GNAO1: variants seen among roughly 807,000 people sequenced by gnomAD.
The protein encoded by GNAO1 is guanine nucleotide-binding protein G(o) subunit alpha.
For missense variants in GNAO1, 166 were observed against 478.7 expected (o/e 0.35, Z 6.10); for synonymous variants, 164 against 180.7 (o/e 0.91, Z 0.74).
chr16:56,333,602 C>G (rs1252537941), intron 4 of GNAO1, among the ~76,000 whole-genome samples: 1 of 152,244 alleles, frequency 6.6e-6, no homozygotes, highest in Admixed American at 6.5e-5. Flanking sequence ...GGCATTCTCA[C>G]AAGGATTGTC....
chr16:56,248,680 AGT>A (rs1214976691), intron 2 of GNAO1, among the ~76,000 whole-genome samples: 1 of 152,230 alleles, frequency 6.6e-6, no homozygotes, highest in Non-Finnish European at 1.5e-5. Flanking sequence ...CTCTGAAGGA[AGT>A]GTGGAGGTGA....
intron 2 of GNAO1, among the ~76,000 whole-genome samples, chr16:56,234,854 C>G (rs1228323028): frequency 6.6e-6 from 1 of 151,984 alleles, no homozygotes; most frequent in Non-Finnish European, 1.5e-5. Context: ...CTCTGTCCCC[C>G]TGGTCATCTG....
At chr16:56,282,364 T>C (rs944907791) in intron 3 of GNAO1, among the ~76,000 whole-genome samples, 2 of 77,012 alleles carry the variant, frequency 2.6e-5, no homozygotes, top group Non-Finnish European at 5.0e-5. Context: ...TTGGCAATTA[T>C]TCTCATTTAT....
chr16:56,256,704 CTCTCTCTCTCTCTCTG>C (rs1374346938), intron 2 of GNAO1, among the ~76,000 whole-genome samples: 3 of 118,548 alleles, frequency 2.5e-5, no homozygotes, highest in Admixed American at 8.9e-5. Flanking sequence ...CTCTCTCTCT[CTCTCTCTCTCTCTCTG>C]TGTGTGTGTG....
intron 3 of GNAO1, among the ~76,000 whole-genome samples, chr16:56,279,417 TCCACACC>T (rs2143529721): frequency 6.6e-6 from 1 of 152,268 alleles, no homozygotes; most frequent in South Asian, 2.1e-4. Context: ...GTCTGTGGTT[TCCACACC>T]CCAGGCCCCA....
chr16:56,289,690 G>C (rs534641835), intron 3 of GNAO1, among the ~76,000 whole-genome samples: 5 of 152,152 alleles, frequency 3.3e-5, no homozygotes, highest in Admixed American at 6.5e-5. Context: ...GGCTTGAGGA[G>C]GGGGTACGGA....
intron 3 of GNAO1, among the ~76,000 whole-genome samples, chr16:56,281,121 G>T (rs766425026): frequency 6.6e-6 from 1 of 152,038 alleles, no homozygotes; most frequent in Non-Finnish European, 1.5e-5. Context: ...ACTTGCCCAG[G>T]GTCATGCAAT....
intron 5 of GNAO1, 147 bp downstream of exon 5, chr16:56,335,004 C>T: frequency 1.3e-6 from 1 of 773,028 alleles, no homozygotes; most frequent in Non-Finnish European, 2.1e-6. Context: ...CTAGAAGGAA[C>T]CTGTCTGTGT....
intron 6 of GNAO1, among the ~76,000 whole-genome samples, chr16:56,341,160 G>A (rs555200208): frequency 6.8e-4 from 104 of 152,316 alleles, no homozygotes; most frequent in Admixed American, 1.8e-3. Context: ...GCAGCTAGCC[G>A]GGGCTTCCTC....
chr16:56,237,987 TG>T (rs2036655744), intron 2 of GNAO1, among the ~76,000 whole-genome samples: 2 of 152,188 alleles, frequency 1.3e-5, no homozygotes, highest in Non-Finnish European at 2.9e-5. Context: ...CTCAAAACTT[TG>T]GGCCAGCAGC....
intron 4 of GNAO1, among the ~76,000 whole-genome samples, chr16:56,329,639 G>A (rs1223131592): frequency 2.0e-5 from 3 of 152,156 alleles, no homozygotes; most frequent in Non-Finnish European, 2.9e-5. Flanking sequence ...CTTGGCTTTC[G>A]GGAAATGCAC....
At chr16:56,245,153 G>T (rs1385451274) in intron 2 of GNAO1, among the ~76,000 whole-genome samples, 2 of 152,082 alleles carry the variant, frequency 1.3e-5, no homozygotes, top group Admixed American at 1.3e-4. Context: ...AAAAAACTCT[G>T]TTAAAGATGC....
chr16:56,215,183 G>T (rs1397178874), intron 2 of GNAO1, among the ~76,000 whole-genome samples: 1 of 152,216 alleles, frequency 6.6e-6, no homozygotes, highest in Non-Finnish European at 1.5e-5. Context: ...TCCATGGGGT[G>T]TTCCTCTGGA....
At chr16:56,192,858 G>A in intron 2 of GNAO1, 2 of 544,592 alleles carry the variant, frequency 3.7e-6, no homozygotes, top group East Asian at 3.0e-5. Flanking sequence ...GCCTGTAGTT[G>A]TATGAATGAC....
intron 3 of GNAO1, among the ~76,000 whole-genome samples, chr16:56,296,025 G>C (rs762367419): frequency 1.1e-4 from 17 of 152,236 alleles, no homozygotes; most frequent in Non-Finnish European, 2.2e-4. Flanking sequence ...CCATTCCTTG[G>C]CCTTTGGCAG....
chr16:56,250,956 G>C (rs891268921), intron 2 of GNAO1, among the ~76,000 whole-genome samples: 1 of 152,184 alleles, frequency 6.6e-6, no homozygotes, highest in Non-Finnish European at 1.5e-5. Flanking sequence ...GGGAGAAGTG[G>C]CTCTTCGAAC....
chr16:56,344,672 G>A (rs2037844611), intron 6 of GNAO1: 1 of 985,504 alleles, frequency 1.0e-6, no homozygotes, highest in Non-Finnish European at 1.2e-6. Flanking sequence ...GGGAGGTGCG[G>A]GGAAGGGAGG....
chr16:56,331,127 G>T (rs2037684652), intron 4 of GNAO1, among the ~76,000 whole-genome samples: 1 of 152,290 alleles, frequency 6.6e-6, no homozygotes, highest in South Asian at 2.1e-4. Context: ...GCTTCCAGGG[G>T]GTGCCATTGA....
intron 3 of GNAO1, among the ~76,000 whole-genome samples, chr16:56,327,513 C>T (rs1021425967): frequency 2.0e-5 from 3 of 152,070 alleles, no homozygotes; most frequent in Non-Finnish European, 4.4e-5. Context: ...GTGTGTTCAC[C>T]AAATCCTTTG....
Sources: allele counts gnomAD v4.1 joint callset (sites outside exome capture counted in the v4.1 genomes callset), GRCh38; gene constraint gnomAD v4.1.1; transcripts MANE v1.5; gene names NCBI Gene and HGNC (gene_info 2026-07-23, HGNC 2026-07-21).